MPP7: variants seen among roughly 807,000 people sequenced by gnomAD.
MPP7 encodes the protein MAGUK p55 scaffold protein 7.
MPP7 carries 60 observed loss-of-function variants against 76.5 expected under a neutral mutation model. That is an observed-to-expected ratio of 0.78 (90% CI 0.64 to 0.97). The LOEUF (loss-of-function observed/expected upper bound fraction) is 0.97, where lower values mean the gene tolerates loss of function less well. Ranked by LOEUF, MPP7 falls within the 50% of genes least tolerant of loss-of-function variation. The probability of loss-of-function intolerance (pLI) is 0.00; values close to 1 mark genes in which losing one functional copy is unlikely to be tolerated. For missense variants in MPP7, 641 were observed against 694.0 expected (o/e 0.92, Z 0.86); for synonymous variants, 237 against 244.5 (o/e 0.97, Z 0.29).
intron 12 of MPP7, among the ~76,000 whole-genome samples, chr10:28,077,123 T>C (rs1033672222): frequency 6.8e-6 from 1 of 147,344 alleles, no homozygotes; most frequent in Non-Finnish European, 1.5e-5. Context: ...AAAAAAAAAC[T>C]AGGTATATTT....
At chr10:28,234,711 G>T (rs979471980) in intron 2 of MPP7, among the ~76,000 whole-genome samples, 3 of 152,180 alleles carry the variant, frequency 2.0e-5, no homozygotes, top group Admixed American at 6.5e-5. Flanking sequence ...TTCCAGGAGA[G>T]GGGAATCCTT....
upstream of MPP7, among the ~76,000 whole-genome samples, chr10:28,307,119 C>T (rs12098711): frequency 6.6e-6 from 1 of 152,058 alleles, no homozygotes; most frequent in Non-Finnish European, 1.5e-5. Context: ...TTACCAGACA[C>T]GCATTCATTG....
chr10:28,101,783 T>A (rs1452218175), intron 11 of MPP7, among the ~76,000 whole-genome samples: 2 of 152,052 alleles, frequency 1.3e-5, no homozygotes, highest in African/African-American at 2.4e-5. Context: ...AAATTACTCT[T>A]CATATGGATT....
chr10:28,215,764 C>T (rs1838290256), intron 2 of MPP7, among the ~76,000 whole-genome samples: 1 of 152,096 alleles, frequency 6.6e-6, no homozygotes, highest in Admixed American at 6.6e-5. Flanking sequence ...GTCATGCTAA[C>T]CTTACAGAAT....
At chr10:28,175,939 C>CT (rs1349171068) in intron 3 of MPP7, among the ~76,000 whole-genome samples, 4 of 151,982 alleles carry the variant, frequency 2.6e-5, no homozygotes, top group Non-Finnish European at 5.9e-5. Flanking sequence ...TAGAATGCAG[C>CT]TTTTTTAGAA....
intron 11 of MPP7, among the ~76,000 whole-genome samples, chr10:28,095,436 T>C (rs1232989347): frequency 6.6e-6 from 1 of 151,986 alleles, no homozygotes; most frequent in Non-Finnish European, 1.5e-5. Flanking sequence ...CCCCCATGGG[T>C]AGTCAGAGGT....
At chr10:28,306,095 G>A (rs1215298281), upstream of MPP7, 1 of 152,126 alleles carries the variant, frequency 6.6e-6, no homozygotes, top group Non-Finnish European at 1.5e-5. Context: ...TATCAGTTGA[G>A]CCTCCAGCAT....
At chr10:28,143,077 G>A (rs1409623251) in intron 5 of MPP7, among the ~76,000 whole-genome samples, 1 of 151,850 alleles carries the variant, frequency 6.6e-6, no homozygotes, top group African/African-American at 2.4e-5. Flanking sequence ...ACAAAGAGAA[G>A]GCTACAAAAT....
chr10:28,116,504 G>C (rs1196958422), intron 11 of MPP7, among the ~76,000 whole-genome samples: 2 of 151,944 alleles, frequency 1.3e-5, no homozygotes, highest in Non-Finnish European at 2.9e-5. Context: ...CTAAAAGCTG[G>C]TCATATAAAA....
upstream of MPP7, among the ~76,000 whole-genome samples, chr10:28,306,358 T>C (rs546860394): frequency 8.5e-5 from 13 of 152,186 alleles, no homozygotes; most frequent in Non-Finnish European, 1.9e-4. Flanking sequence ...ATTCATTAGA[T>C]AGACAGAAGA....
At chr10:28,103,874 A>G (rs1013063808) in intron 11 of MPP7, among the ~76,000 whole-genome samples, 1 of 152,054 alleles carries the variant, frequency 6.6e-6, no homozygotes, top group Non-Finnish European at 1.5e-5. Flanking sequence ...AGGAGGAGGA[A>G]AGGAGACTCC....
intron 2 of MPP7, among the ~76,000 whole-genome samples, chr10:28,210,366 G>C (rs1236667015): frequency 6.6e-6 from 1 of 152,150 alleles, no homozygotes; most frequent in African/African-American, 2.4e-5. Flanking sequence ...ATGTGTGTAC[G>C]TATGTGTGTG....
chr10:28,074,057 A>G (rs747481935), intron 12 of MPP7, among the ~76,000 whole-genome samples: 3 of 152,146 alleles, frequency 2.0e-5, no homozygotes, highest in Non-Finnish European at 4.4e-5. Context: ...ATCACCCACC[A>G]GATAGAGGCA....
chr10:28,123,983 G>T, intron 8 of MPP7, 48 bp downstream of exon 8: 3 of 1,248,358 alleles, frequency 2.4e-6, no homozygotes, highest in Non-Finnish European at 2.4e-6. Context: ...GAAATACAGT[G>T]ATTCGATTTT....
intron 11 of MPP7, among the ~76,000 whole-genome samples, chr10:28,090,251 G>A (rs139098896): frequency 4.5e-4 from 69 of 152,260 alleles, no homozygotes; most frequent in African/African-American, 1.6e-3. Flanking sequence ...ATGAGCCACT[G>A]TGCCTGGCCT....
intron 3 of MPP7, among the ~76,000 whole-genome samples, chr10:28,170,162 C>T (rs1352420441): frequency 6.6e-6 from 1 of 151,644 alleles, no homozygotes; most frequent in African/African-American, 2.4e-5. Flanking sequence ...TCTAGTTCTG[C>T]CTTTATGTAT....
chr10:28,282,601 G>T (rs1355046735), intron 1 of MPP7, among the ~76,000 whole-genome samples: 1 of 151,970 alleles, frequency 6.6e-6, no homozygotes, highest in East Asian at 1.9e-4. Context: ...GGCGGTGGGG[G>T]TGAGTAAGTG....
chr10:28,118,177 C>T, intron 11 of MPP7: 1 of 984,954 alleles, frequency 1.0e-6, no homozygotes, highest in African/African-American at 1.7e-5. Flanking sequence ...CATACACACA[C>T]AAACAAACAC....
chr10:28,252,773 C>T (rs1163785828), intron 1 of MPP7, among the ~76,000 whole-genome samples: 2 of 152,158 alleles, frequency 1.3e-5, no homozygotes, highest in Non-Finnish European at 2.9e-5. Context: ...ATTTAAGTAA[C>T]ATCAACCAGC....
Sources: gnomAD v4.1 joint callset for allele counts (sites outside exome capture counted in the v4.1 genomes callset) on GRCh38, gnomAD v4.1.1 for gene constraint, MANE v1.5 for transcripts, NCBI Gene and HGNC (gene_info 2026-07-23, HGNC 2026-07-21) for gene names.